RBFOX1: variants seen among roughly 807,000 people sequenced by gnomAD.
The protein encoded by RBFOX1 is RNA binding fox-1 homolog 1.
Under a neutral mutation model 57.7 loss-of-function variants are expected in RBFOX1, and 8 were observed. The observed-to-expected ratio is 0.14, with a 90% CI of 0.08 to 0.25. RBFOX1 has a LOEUF of 0.25. RBFOX1 is among the 10% of genes least tolerant of loss of function. RBFOX1 has a pLI of 1.00. For missense variants in RBFOX1, 611 were observed against 548.5 expected, an observed-to-expected ratio of 1.11 and a Z score of -1.14; for synonymous variants, 326 against 222.4, an observed-to-expected ratio of 1.47 and a Z score of -4.15.
intron 1 of RBFOX1, among the ~76,000 whole-genome samples, chr16:5,425,411 G>C (rs933530678): frequency 6.6e-6 from 1 of 152,034 alleles, no homozygotes; most frequent in Non-Finnish European, 1.5e-5. Flanking sequence ...GCCAGCATGT[G>C]TGTTTTCTAT....
intron 3 of RBFOX1, among the ~76,000 whole-genome samples, chr16:6,966,996 T>A (rs1168237284): frequency 6.6e-6 from 1 of 152,088 alleles, no homozygotes; most frequent in African/African-American, 2.4e-5. Flanking sequence ...TACTTATACA[T>A]CCCTCTTTTA....
chr16:6,628,437 T>C (rs4786897), intron 2 of RBFOX1, among the ~76,000 whole-genome samples: 91,472 of 152,098 alleles, frequency 0.6, 28,997 homozygotes, highest in South Asian at 0.8. Context: ...TTTTCAAATA[T>C]AGAAAATATG....
intron 4 of RBFOX1, among the ~76,000 whole-genome samples, chr16:7,270,867 A>G (rs949316551): frequency 1.3e-5 from 2 of 152,122 alleles, no homozygotes; most frequent in African/African-American, 4.8e-5. Flanking sequence ...TGATAAGAAT[A>G]TTATATTTTA....
intron 3 of RBFOX1, among the ~76,000 whole-genome samples, chr16:6,766,344 A>G (rs919475418): frequency 1.3e-5 from 2 of 152,088 alleles, no homozygotes; most frequent in African/African-American, 4.8e-5. Context: ...TGGAAAAGAC[A>G]TAACTTTTCC....
At chr16:6,554,747 C>CACAG (rs765499512) in intron 2 of RBFOX1, among the ~76,000 whole-genome samples, 1 of 149,850 alleles carries the variant, frequency 6.7e-6, no homozygotes, top group Non-Finnish European at 1.5e-5. Context: ...CACACACACA[C>CACAG]ACACACACAC....
At chr16:6,564,034 C>T (rs1261895650) in intron 2 of RBFOX1, among the ~76,000 whole-genome samples, 2 of 152,064 alleles carry the variant, frequency 1.3e-5, no homozygotes, top group African/African-American at 4.8e-5. Flanking sequence ...TTCTTCCCAG[C>T]AAGCTATTTC....
At chr16:6,295,499 T>G (rs1830166282) in intron 1 of RBFOX1, among the ~76,000 whole-genome samples, 1 of 152,160 alleles carries the variant, frequency 6.6e-6, no homozygotes, top group African/African-American at 2.4e-5. Context: ...ATTACCAAGT[T>G]TTACTCTCTG....
intron 2 of RBFOX1, among the ~76,000 whole-genome samples, chr16:5,506,376 C>G (rs150536657): frequency 1.1e-3 from 174 of 152,310 alleles, no homozygotes; most frequent in African/African-American, 3.7e-3. Context: ...CTCTGTCCTT[C>G]TCTGACTCCG....
chr16:7,452,511 A>G (rs1238974941), intron 4 of RBFOX1, among the ~76,000 whole-genome samples: 9 of 152,226 alleles, frequency 5.9e-5, no homozygotes, highest in Admixed American at 5.9e-4. Flanking sequence ...TCTTATCAGT[A>G]ACACAGGAAA....
chr16:6,711,791 A>G (rs1329908956), intron 3 of RBFOX1, among the ~76,000 whole-genome samples: 1 of 152,028 alleles, frequency 6.6e-6, no homozygotes, highest in African/African-American at 2.4e-5. Flanking sequence ...GTTTTCTTTC[A>G]AGATCTTTGC....
intron 3 of RBFOX1, among the ~76,000 whole-genome samples, chr16:6,813,748 C>T (rs368826369): frequency 6.6e-6 from 1 of 152,210 alleles, no homozygotes; most frequent in Admixed American, 6.5e-5. Context: ...TAAAATCAAA[C>T]CTCCTGGGCA....
chr16:5,575,912 G>A (rs2046437210), intron 2 of RBFOX1, among the ~76,000 whole-genome samples: 1 of 151,670 alleles, frequency 6.6e-6, no homozygotes, highest in South Asian at 2.1e-4. Context: ...GGTCACGCAT[G>A]TTTGCACTTA....
At chr16:6,604,375 C>G (rs889409780) in intron 2 of RBFOX1, among the ~76,000 whole-genome samples, 2 of 151,974 alleles carry the variant, frequency 1.3e-5, no homozygotes, top group South Asian at 2.1e-4. Context: ...TAGGGCCTTG[C>G]TTTGTTGCCC....
At position 7,062,892 on chromosome 16, in the gene RBFOX1, C is replaced by CTTTTTTTTTTTTTTTTTTTTTTTTT. The variant is rs1491558284; in HGVS notation, c.27+10794_27+10795insTTTTTTTTTTTTTTTTTTTTTTTTT. ...TACCTCATCTCATTCAAATGATCGC[C>CTTTTTTTTTTTTTTTTTTTTTTTTT]ATTTTTTTTTTTTTTTTTTTTTTTT... On this transcript the variant is annotated intron_variant, in intron 4 of 15. Coordinates refer to ENST00000550418, the MANE Select transcript of RBFOX1 (RefSeq NM_018723.4). Among the ~76,000 whole-genome samples, 12 of 59,932 alleles carry CTTTTTTTTTTTTTTTTTTTTTTTTT rather than the reference C, an allele frequency of 2.0e-4. 5 individuals carry two copies. The highest frequency in any genetic ancestry group is 4.7e-4 in the Admixed American group (2 of 4,238). 39.3% of individuals were successfully genotyped at this position (59,932 alleles called of 152,430 possible).
intron 2 of RBFOX1, among the ~76,000 whole-genome samples, chr16:6,638,187 T>C (rs1176776424): frequency 6.6e-6 from 1 of 152,094 alleles, no homozygotes; most frequent in Non-Finnish European, 1.5e-5. Context: ...AAAAATGAAA[T>C]GACAGGTTCT....
At chr16:5,881,731 T>A (rs570284798) in intron 4 of RBFOX1, among the ~76,000 whole-genome samples, 2 of 152,216 alleles carry the variant, frequency 1.3e-5, no homozygotes, top group African/African-American at 4.8e-5. Flanking sequence ...GGCTAAAATT[T>A]TCCCCCCAAT....
At chr16:5,536,254 T>TA (rs2044693618) in intron 2 of RBFOX1, among the ~76,000 whole-genome samples, 2 of 124,038 alleles carry the variant, frequency 1.6e-5, no homozygotes, top group Non-Finnish European at 3.3e-5. Context: ...TTTTTTTTTT[T>TA]AGATGGAGTC....
intron 9 of RBFOX1, among the ~76,000 whole-genome samples, chr16:7,601,825 T>G (rs2095041226): frequency 6.6e-6 from 1 of 152,148 alleles, no homozygotes; most frequent in Admixed American, 6.5e-5. Flanking sequence ...TCAAGAGAAA[T>G]AGAAATCCTG....
intron 3 of RBFOX1, among the ~76,000 whole-genome samples, chr16:6,814,275 G>C (rs1157181518): frequency 6.6e-6 from 1 of 151,908 alleles, no homozygotes; most frequent in African/African-American, 2.4e-5. Flanking sequence ...AGGTCTAAGA[G>C]AGTCAGAAAT....
Sources: gnomAD v4.1 joint callset for allele counts (sites outside exome capture counted in the v4.1 genomes callset) on GRCh38, gnomAD v4.1.1 for gene constraint, MANE v1.5 for transcripts, NCBI Gene and HGNC (gene_info 2026-07-23, HGNC 2026-07-21) for gene names.